Variants in ABI3BP observed in about 807,000 individuals in gnomAD.
ABI3BP encodes target of Nesh-SH3.
Under a neutral mutation model 268.6 loss-of-function variants are expected in ABI3BP, and 216 were observed. The ratio of observed to expected loss-of-function variants is 0.80; its 90% CI spans 0.72 to 0.90. ABI3BP has a LOEUF of 0.90. Among genes scored for constraint, ABI3BP ranks in the 40% least tolerant of loss-of-function variants. The pLI, the probability that ABI3BP is intolerant of heterozygous loss-of-function variation, is 0.00. For missense variants in ABI3BP, 2,090 were observed against 2,182.4 expected, an observed-to-expected ratio of 0.96 and a Z score of 0.84; for synonymous variants, 730 against 730.0, an observed-to-expected ratio of 1.00 and a Z score of 0.00.
chr3:100,928,908 G>A (rs2062729294), intron 1 of ABI3BP, among the ~76,000 whole-genome samples: 1 of 152,046 alleles, frequency 6.6e-6, no homozygotes, highest in African/African-American at 2.4e-5. Flanking sequence ...CCAACTGCTA[G>A]TGTTTTGTGT....
intron 1 of ABI3BP, among the ~76,000 whole-genome samples, chr3:100,961,362 G>T (rs1417968478): frequency 6.6e-6 from 1 of 152,156 alleles, no homozygotes; most frequent in Non-Finnish European, 1.5e-5. Context: ...ACACACTTAG[G>T]AAGTGAAGGC....
At chr3:100,795,717 G>A in intron 53 of ABI3BP, 87 bp downstream of exon 53, 1 of 987,230 alleles carries the variant, frequency 1.0e-6, no homozygotes, top group Non-Finnish European at 1.4e-6. Context: ...GAGAAGAAAT[G>A]ATGTTTCAAC....
intron 7 of ABI3BP, 72 bp downstream of exon 7, chr3:100,876,440 C>G: frequency 7.7e-7 from 1 of 1,299,040 alleles, no homozygotes; most frequent in Non-Finnish European, 1.1e-6. Context: ...AAAATATGTG[C>G]CGTGTTTGAT....
intron 54 of ABI3BP, among the ~76,000 whole-genome samples, chr3:100,794,477 C>T (rs1234923923): frequency 6.6e-6 from 1 of 151,884 alleles, no homozygotes; most frequent in Non-Finnish European, 1.5e-5. Context: ...GGTGAGCCCT[C>T]TAGTGTAAGG....
intron 65 of ABI3BP, among the ~76,000 whole-genome samples, chr3:100,753,230 G>A (rs1340371436): frequency 2.6e-5 from 4 of 152,106 alleles, no homozygotes; most frequent in Admixed American, 2.6e-4. Context: ...TTTCTTTTTT[G>A]TAGCATGTTA....
At chr3:100,875,828 T>G (rs2099156310) in intron 7 of ABI3BP, among the ~76,000 whole-genome samples, 1 of 152,140 alleles carries the variant, frequency 6.6e-6, no homozygotes, top group Non-Finnish European at 1.5e-5. Flanking sequence ...ACTGGAAAAT[T>G]TTCTTCCTAA....
intron 54 of ABI3BP, 77 bp downstream of exon 54, chr3:100,794,846 A>C: frequency 9.6e-7 from 1 of 1,046,238 alleles, no homozygotes; most frequent in Non-Finnish European, 1.4e-6. Context: ...ATCTGTGAAC[A>C]TAATGTATTA....
At chr3:100,789,875 C>T (rs554816772) in intron 55 of ABI3BP, among the ~76,000 whole-genome samples, 1 of 152,036 alleles carries the variant, frequency 6.6e-6, no homozygotes, top group Non-Finnish European at 1.5e-5. Flanking sequence ...ATCCATCCAT[C>T]TAATCTCTCA....
intron 1 of ABI3BP, among the ~76,000 whole-genome samples, chr3:100,939,008 T>C (rs1343782135): frequency 6.6e-6 from 1 of 152,122 alleles, no homozygotes; most frequent in East Asian, 1.9e-4. Context: ...CACAGAATAA[T>C]TGTTAGGCAA....
At chr3:100,827,404 T>C (rs2098408268) in intron 34 of ABI3BP, among the ~76,000 whole-genome samples, 1 of 151,886 alleles carries the variant, frequency 6.6e-6, no homozygotes, top group Non-Finnish European at 1.5e-5. Flanking sequence ...GCTCCTAAGC[T>C]CCATAAACCA....
intron 13 of ABI3BP, 186 bp downstream of exon 13, chr3:100,862,652 C>G (rs2099010817): frequency 3.3e-6 from 2 of 599,716 alleles, no homozygotes; most frequent in Admixed American, 6.5e-5. Flanking sequence ...GGAATTAAGA[C>G]TGATGGGTTT....
At chr3:100,960,484 C>A (rs1375444025) in intron 1 of ABI3BP, among the ~76,000 whole-genome samples, 1 of 152,134 alleles carries the variant, frequency 6.6e-6, no homozygotes, top group Non-Finnish European at 1.5e-5. Context: ...GCTGGAAAGA[C>A]AAAAACTGGA....
At chr3:100,899,503 G>A (rs1303864171) in intron 3 of ABI3BP, among the ~76,000 whole-genome samples, 1 of 152,188 alleles carries the variant, frequency 6.6e-6, no homozygotes, top group African/African-American at 2.4e-5. Context: ...TGGAAGAGTA[G>A]GGGTAACACA....
intron 1 of ABI3BP, among the ~76,000 whole-genome samples, chr3:100,930,387 T>C (rs1051962604): frequency 6.6e-6 from 1 of 152,008 alleles, no homozygotes; most frequent in African/African-American, 2.4e-5. Context: ...ATTTGCAAAG[T>C]AGAATCTTGG....
intron 1 of ABI3BP, among the ~76,000 whole-genome samples, chr3:100,971,345 T>C (rs969628): frequency 0.046 from 7,036 of 152,270 alleles, 235 homozygotes; most frequent in South Asian, 0.14. Context: ...CTGATTCTCT[T>C]GAATTAGGAC....
intron 6 of ABI3BP, among the ~76,000 whole-genome samples, chr3:100,879,719 A>T (rs2099206514): frequency 6.6e-6 from 1 of 152,214 alleles, no homozygotes; most frequent in Admixed American, 6.5e-5. Context: ...GCCAAAAATT[A>T]AAAAATCATT....
At chr3:100,865,043 GA>G in intron 10 of ABI3BP, 136 bp from the exon 11 acceptor site, 1 of 700,766 alleles carries the variant, frequency 1.4e-6, no homozygotes, top group Non-Finnish European at 2.4e-6. Context: ...ACTATGTAAA[GA>G]GCTCCTTGGC....
intron 33 of ABI3BP, 25 bp from the exon 34 acceptor site, chr3:100,828,477 A>C (rs982619496): frequency 6.6e-7 from 1 of 1,513,666 alleles, no homozygotes; most frequent in Non-Finnish European, 8.9e-7. Context: ...TAAAAATAAA[A>C]CACCAACAAA....
chr3:100,961,857 A>G lies in ABI3BP; in HGVS notation c.79+31449T>C, dbSNP rs180958891. Among the ~76,000 whole-genome samples the G allele has an allele frequency of 4.0e-3, 616 of 152,280 alleles. 1 individual carries two copies. Among genetic ancestry groups the G allele is most frequent in the Non-Finnish European group, 6.5e-3 (441 of 68,016 alleles). On this transcript the variant is annotated intron_variant, in intron 1 of 67. Transcript: ENST00000471714. ...TCCTCCCAAACTAGCAGCCTCTTCCATGGTACATAATTAGATTCCATGGCC... is the reference window on the plus strand; with the variant it reads ...TCCTCCCAAACTAGCAGCCTCTTCCGTGGTACATAATTAGATTCCATGGCC...
Sources: gnomAD v4.1 joint callset for allele counts (sites outside exome capture counted in the v4.1 genomes callset) on GRCh38, gnomAD v4.1.1 for gene constraint, MANE v1.5 for transcripts, NCBI Gene and HGNC (gene_info 2026-07-23, HGNC 2026-07-21) for gene names.